AOAH: variants seen among roughly 807,000 people sequenced by gnomAD.
The protein encoded by AOAH is acyloxyacyl hydrolase.
AOAH carries 64 observed loss-of-function variants against 92.2 expected under a neutral mutation model. The observed-to-expected ratio is 0.69, with a 90% CI of 0.57 to 0.86. The LOEUF (loss-of-function observed/expected upper bound fraction) is 0.86, where lower values mean the gene tolerates loss of function less well. Among genes scored for constraint, AOAH ranks in the 40% least tolerant of loss-of-function variants. The pLI, the probability that AOAH is intolerant of heterozygous loss-of-function variation, is 0.00. For synonymous variants in AOAH, 263 were observed against 254.5 expected, an observed-to-expected ratio of 1.03 and a Z score of -0.32; for missense variants, 656 against 694.6, an observed-to-expected ratio of 0.94 and a Z score of 0.62.
At chr7:36,540,543 A>G (rs745676491) in intron 15 of AOAH, 52 bp from the exon 16 acceptor site, 50 of 1,485,256 alleles carry the variant, frequency 3.4e-5, no homozygotes, top group Non-Finnish European at 4.1e-5. Flanking sequence ...GGATAGATGC[A>G]TGCAAGTTGC....
At chr7:36,555,987 G>A in intron 13 of AOAH, among the ~76,000 whole-genome samples, 1 of 152,002 alleles carries the variant, frequency 6.6e-6, no homozygotes, top group Non-Finnish European at 1.5e-5. Context: ...ATTTCCTTCA[G>A]TTCTGCTCTG....
chr7:36,632,719 A>G lies in AOAH; in HGVS notation c.451-613T>C, dbSNP rs116561169. On this transcript the variant is annotated intron_variant, in intron 5 of 20. Coordinates refer to ENST00000617537, the MANE Select transcript of AOAH (RefSeq NM_001637.4). The stretch of plus-strand genomic sequence containing the variant: ...CCTCAACTTAAAGAAAGAGAAGAAG[A>G]CAATAGGGTAGAAAAGTGAGGCACC... Among the ~76,000 whole-genome samples the G allele has an allele frequency of 5.4e-3, 822 of 152,346 alleles. 8 individuals carry two copies. The highest frequency in any genetic ancestry group is 0.019 in the African/African-American group (792 of 41,580).
intron 19 of AOAH, among the ~76,000 whole-genome samples, chr7:36,526,163 A>G (rs967557595): frequency 2.6e-5 from 4 of 152,226 alleles, no homozygotes; most frequent in African/African-American, 9.6e-5. Flanking sequence ...CAGCCTTTGG[A>G]AGAACTTGCT....
At chr7:36,560,429 C>A (rs557314958) in intron 13 of AOAH, among the ~76,000 whole-genome samples, 6 of 152,064 alleles carry the variant, frequency 3.9e-5, no homozygotes, top group African/African-American at 1.4e-4. Context: ...TTTTTTAGTT[C>A]TCCTTGTAGA....
intron 4 of AOAH, among the ~76,000 whole-genome samples, chr7:36,651,579 G>C (rs138706252): frequency 6.6e-6 from 1 of 152,316 alleles, no homozygotes; most frequent in East Asian, 1.9e-4. Flanking sequence ...AAATTAAGCT[G>C]TTTATGATAT....
At chr7:36,585,082 T>C (rs1789219813) in intron 12 of AOAH, among the ~76,000 whole-genome samples, 1 of 151,746 alleles carries the variant, frequency 6.6e-6, no homozygotes, top group South Asian at 2.1e-4. Context: ...AAGGACATGA[T>C]AGGATCTCAG....
intron 1 of AOAH, among the ~76,000 whole-genome samples, chr7:36,702,790 T>C (rs1245930887): frequency 3.3e-5 from 5 of 152,232 alleles, no homozygotes; most frequent in South Asian, 4.1e-4. Context: ...AAGGTAGGGG[T>C]GGCTGTGGCA....
chr7:36,672,860 G>A (rs10260729), intron 3 of AOAH, among the ~76,000 whole-genome samples: 38,051 of 151,960 alleles, frequency 0.25, 5,764 homozygotes, highest in African/African-American at 0.43. Context: ...TAATTTATGT[G>A]TAATAAATTA....
intron 12 of AOAH, among the ~76,000 whole-genome samples, chr7:36,591,719 G>C (rs75405710): frequency 0.07 from 10,706 of 152,188 alleles, 455 homozygotes; most frequent in South Asian, 0.15. Flanking sequence ...ATGCAGAAAG[G>C]AAAAGGGAGC....
At chr7:36,518,092 A>G (rs1431372327) in intron 20 of AOAH, among the ~76,000 whole-genome samples, 2 of 152,232 alleles carry the variant, frequency 1.3e-5, no homozygotes, top group African/African-American at 4.8e-5. Flanking sequence ...TGACAAATGC[A>G]TACAGTTGAA....
intron 13 of AOAH, among the ~76,000 whole-genome samples, chr7:36,559,370 T>C (rs1787089775): frequency 6.6e-6 from 1 of 152,220 alleles, no homozygotes; most frequent in Admixed American, 6.5e-5. Flanking sequence ...ACCAGTAGCG[T>C]ATAACCATTC....
intron 1 of AOAH, 77 bp from the exon 2 acceptor site, chr7:36,686,871 CGTGT>C (rs35260531): frequency 0.37 from 185,998 of 505,306 alleles, 21,666 homozygotes; most frequent in African/African-American, 0.66. Flanking sequence ...AGAAAGGATG[CGTGT>C]GTGTGTGTGT....
rs199999414 is a variant in AOAH at position 36,513,403 on chromosome 7, C to T, written c.1600-23G>A. 262 of 1,607,936 alleles carry T rather than the reference C, an allele frequency of 1.6e-4. 3 individuals are homozygous for T. In the African/African-American group the frequency reaches 2.9e-3, roughly 18 times the overall value. ...CACCTGTGAGAGAGAACCCAAAGGA[C>T]GAGGAAAAGGGAAATTAGGACAAAT... On this transcript the variant is annotated intron_variant, in intron 20 of 20. Transcript: ENST00000617537.
rs1791712305 is a variant in AOAH, at chr7:36,614,487, C to T, written c.846+1893G>A. 6.6e-6 allele frequency among the ~76,000 whole-genome samples: 1 copy of T among 152,132 alleles called. No homozygotes were observed. Among genetic ancestry groups the T allele is most frequent in the Non-Finnish European group, 1.5e-5 (1 of 68,014 alleles). On this transcript the variant is annotated intron_variant, in intron 11 of 20. Transcript: ENST00000617537. The surrounding 1 kb of genome is among the most constrained non-coding windows in gnomAD (Gnocchi z 4.2). ...AGTGAAGTCCAGTGGGCCAACTGAG[C>T]ATGTGTGAGCGAGGGGACTGGAAAC... is the stretch of plus-strand genomic sequence containing the variant.
At chr7:36,702,248 T>C (rs1798075187) in intron 1 of AOAH, among the ~76,000 whole-genome samples, 1 of 152,214 alleles carries the variant, frequency 6.6e-6, no homozygotes, top group Non-Finnish European at 1.5e-5. Context: ...ATATTTACAT[T>C]CCTAGTGCTT....
chr7:36,591,051 G>GGGGA (rs1789709288), intron 12 of AOAH, among the ~76,000 whole-genome samples: 1 of 152,048 alleles, frequency 6.6e-6, no homozygotes, highest in Non-Finnish European at 1.5e-5. Flanking sequence ...CTCTGTTTCT[G>GGGGA]CTTAATGGGG....
At chr7:36,515,935 C>A (rs932012955) in intron 20 of AOAH, among the ~76,000 whole-genome samples, 42 of 147,802 alleles carry the variant, frequency 2.8e-4, no homozygotes, top group Non-Finnish European at 5.7e-4. Context: ...ACATCACACA[C>A]ACCCCCACAT....
intron 1 of AOAH, among the ~76,000 whole-genome samples, chr7:36,701,881 T>A (rs894310648): frequency 3.3e-5 from 5 of 152,092 alleles, no homozygotes; most frequent in Admixed American, 3.3e-4. Context: ...GGGAAACAAG[T>A]ATTTTTTGCA....
intron 20 of AOAH, among the ~76,000 whole-genome samples, chr7:36,519,289 T>A (rs1326040987): frequency 6.6e-6 from 1 of 152,234 alleles, no homozygotes; most frequent in Non-Finnish European, 1.5e-5. Flanking sequence ...CGCTTTTATT[T>A]CCTCCAACAT....
Sources: allele counts gnomAD v4.1 joint callset (sites outside exome capture counted in the v4.1 genomes callset), GRCh38; gene constraint gnomAD v4.1.1; non-coding constraint Gnocchi (gnomAD v3.1); transcripts MANE v1.5; gene names NCBI Gene and HGNC (gene_info 2026-07-23, HGNC 2026-07-21).